ZNF407: variants seen among roughly 807,000 people sequenced by gnomAD.
ZNF407 encodes zinc finger protein 407.
A neutral mutation model predicts 131.2 loss-of-function variants in ZNF407; 17 were observed. The observed-to-expected ratio is 0.13, with a 90% CI of 0.09 to 0.19. The LOEUF (loss-of-function observed/expected upper bound fraction) is 0.19. Among genes scored for constraint, ZNF407 ranks in the 10% least tolerant of loss-of-function variants. The probability of loss-of-function intolerance (pLI) is 1.00; values close to 1 mark genes in which losing one functional copy is unlikely to be tolerated. For missense variants in ZNF407, 2,681 were observed against 2,830.6 expected, an observed-to-expected ratio of 0.95 and a Z score of 1.20; for synonymous variants, 1,156 against 1,062.0, an observed-to-expected ratio of 1.09 and a Z score of -1.72.
chr18:74,656,443 C>G (rs571355073), intron 3 of ZNF407, among the ~76,000 whole-genome samples: 1 of 151,998 alleles, frequency 6.6e-6, no homozygotes, highest in East Asian at 1.9e-4. Context: ...TTGACCCCAC[C>G]CTGAGACTGT....
At chr18:74,782,995 T>G (rs1400826182) in intron 4 of ZNF407, among the ~76,000 whole-genome samples, 1 of 152,220 alleles carries the variant, frequency 6.6e-6, no homozygotes, top group African/African-American at 2.4e-5. Context: ...TTCTTGAAAT[T>G]TAAAAGCATA....
At chr18:74,908,377 A>T (rs1202362604) in intron 7 of ZNF407, among the ~76,000 whole-genome samples, 1 of 152,160 alleles carries the variant, frequency 6.6e-6, no homozygotes. Context: ...TGTATGGTGT[A>T]GGACAATAAG....
chr18:74,980,320 T>G (rs908224887), intron 8 of ZNF407, among the ~76,000 whole-genome samples: 1 of 151,972 alleles, frequency 6.6e-6, no homozygotes, highest in Non-Finnish European at 1.5e-5. Context: ...TTCTTTTTGT[T>G]TTTTGAGACG....
intron 4 of ZNF407, among the ~76,000 whole-genome samples, chr18:74,852,219 G>A (rs759950744): frequency 2.1e-4 from 32 of 152,054 alleles, no homozygotes; most frequent in Non-Finnish European, 4.0e-4. Flanking sequence ...ACGCGCACGC[G>A]CGCGCGCATT....
At chr18:74,718,061 G>C (rs764245621) in intron 3 of ZNF407, among the ~76,000 whole-genome samples, 1 of 152,006 alleles carries the variant, frequency 6.6e-6, no homozygotes, top group Non-Finnish European at 1.5e-5. Context: ...ATTTATTGCA[G>C]AACAATTTAT....
intron 7 of ZNF407, among the ~76,000 whole-genome samples, chr18:74,903,296 C>T (rs1005749923): frequency 2.0e-5 from 3 of 152,086 alleles, no homozygotes; most frequent in South Asian, 4.1e-4. Context: ...TAGAAAAATA[C>T]GGTAAATTAT....
intron 8 of ZNF407, among the ~76,000 whole-genome samples, chr18:75,019,486 T>C (rs1259314522): frequency 6.6e-6 from 1 of 152,178 alleles, no homozygotes; most frequent in Non-Finnish European, 1.5e-5. Context: ...GAAACAGTTA[T>C]TTAAATTGCT....
intron 8 of ZNF407, among the ~76,000 whole-genome samples, chr18:75,056,863 T>G (rs114860441): frequency 3.3e-5 from 5 of 152,236 alleles, no homozygotes; most frequent in African/African-American, 1.2e-4. Context: ...GAGAAACTTA[T>G]AAGCTTTTGT....
intron 6 of ZNF407, among the ~76,000 whole-genome samples, chr18:74,882,508 T>G (rs181592777): frequency 6.6e-6 from 1 of 152,214 alleles, no homozygotes; most frequent in African/African-American, 2.4e-5. Flanking sequence ...TAGGTACAGG[T>G]AGCTTCTGTG....
rs532091018 is a variant in ZNF407 at position 74,899,755 on chromosome 18, GC to G, written c.5249+9719del. ...ACACCAAGCAAAGAGTGGGCGGCGT[GC>G]CAGGTGTTGATGAAATAGGAGAGTG... On this transcript the variant is annotated intron_variant, in intron 7 of 8. Coordinates refer to ENST00000299687, the MANE Select transcript of ZNF407 (RefSeq NM_017757.3). Among the ~76,000 whole-genome samples the G allele has an allele frequency of 7.9e-4, 121 of 152,310 alleles. 2 individuals carry two copies. The highest frequency in any genetic ancestry group is 2.8e-3 in the African/African-American group (117 of 41,578).
chr18:74,624,825 C>A (rs763911327), intron 1 of ZNF407, among the ~76,000 whole-genome samples: 3 of 152,248 alleles, frequency 2.0e-5, no homozygotes, highest in Non-Finnish European at 4.4e-5. Flanking sequence ...ACTGTTCCTA[C>A]TTGCCCCCTC....
chr18:74,720,065 A>T (rs546395007), intron 3 of ZNF407, among the ~76,000 whole-genome samples: 11 of 148,800 alleles, frequency 7.4e-5, no homozygotes, highest in African/African-American at 2.2e-4. Context: ...TTTTTTTTTG[A>T]AGAAGAAGAA....
chr18:74,661,271 C>T (rs536554186), intron 3 of ZNF407, among the ~76,000 whole-genome samples: 3 of 151,820 alleles, frequency 2.0e-5, no homozygotes, highest in African/African-American at 7.3e-5. Context: ...ATGTTGTACA[C>T]ACAGTAAATT....
chr18:74,786,720 G>T (rs1179385549), intron 4 of ZNF407, among the ~76,000 whole-genome samples: 1 of 143,940 alleles, frequency 6.9e-6, no homozygotes, highest in African/African-American at 2.6e-5. Flanking sequence ...CTTTTAACCT[G>T]TAAACAGTTA....
intron 5 of ZNF407, among the ~76,000 whole-genome samples, chr18:74,878,448 A>C (rs1164260702): frequency 6.6e-6 from 1 of 152,194 alleles, no homozygotes; most frequent in African/African-American, 2.4e-5. Context: ...TGACGATTTA[A>C]GGTCTCCAGC....
At chr18:74,927,165 A>G (rs535830177) in intron 8 of ZNF407, among the ~76,000 whole-genome samples, 48 of 152,114 alleles carry the variant, frequency 3.2e-4, no homozygotes, top group African/African-American at 1.0e-3. Context: ...TCTTGTTGAT[A>G]CATGTTATTC....
At chr18:74,906,129 C>T (rs1478009583) in intron 7 of ZNF407, among the ~76,000 whole-genome samples, 1 of 152,158 alleles carries the variant, frequency 6.6e-6, no homozygotes, top group African/African-American at 2.4e-5. Flanking sequence ...CTGCAGTACC[C>T]CTTGTAGGCA....
At chr18:74,675,706 A>G (rs1171683084) in intron 3 of ZNF407, among the ~76,000 whole-genome samples, 1 of 151,992 alleles carries the variant, frequency 6.6e-6, no homozygotes, top group Non-Finnish European at 1.5e-5. Flanking sequence ...TTTGGTTTTA[A>G]TGGTTACCCT....
intron 4 of ZNF407, among the ~76,000 whole-genome samples, chr18:74,874,138 A>G (rs947287038): frequency 3.3e-5 from 5 of 152,140 alleles, no homozygotes; most frequent in African/African-American, 7.2e-5. Flanking sequence ...AGAACTGCAG[A>G]TGGTATTGAA....
Sources: allele counts gnomAD v4.1 joint callset (sites outside exome capture counted in the v4.1 genomes callset), GRCh38; gene constraint gnomAD v4.1.1; transcripts MANE v1.5; gene names NCBI Gene and HGNC (gene_info 2026-07-23, HGNC 2026-07-21).